Variants in GUCY1A2 observed in about 807,000 individuals in gnomAD.
The protein encoded by GUCY1A2 is guanylate cyclase soluble subunit alpha-2.
In GUCY1A2, 27 loss-of-function variants were observed where a neutral mutation model predicts 63.5. The observed-to-expected ratio is 0.43, with a 90% CI of 0.31 to 0.59. The LOEUF is 0.59. Ranked by LOEUF, GUCY1A2 falls within the 20% of genes least tolerant of loss-of-function variation. The pLI, the probability that GUCY1A2 is intolerant of heterozygous loss-of-function variation, is 0.11. For synonymous variants in GUCY1A2, 364 were observed against 343.5 expected, an observed-to-expected ratio of 1.06 and a Z score of -0.66; for missense variants, 768 against 913.3, an observed-to-expected ratio of 0.84 and a Z score of 2.05.
At chr11:106,705,141 T>C (rs1016236342) in intron 7 of GUCY1A2, among the ~76,000 whole-genome samples, 4 of 152,000 alleles carry the variant, frequency 2.6e-5, no homozygotes, top group African/African-American at 9.7e-5. Context: ...AATTAAAAAA[T>C]AGAAAATATA....
At chr11:106,972,640 T>G (rs558523769) in intron 3 of GUCY1A2, among the ~76,000 whole-genome samples, 2 of 151,958 alleles carry the variant, frequency 1.3e-5, no homozygotes, top group African/African-American at 4.8e-5. Context: ...AAATGGGAAA[T>G]AGTCTGTCAC....
At chr11:106,842,501 A>G (rs927350359) in intron 4 of GUCY1A2, among the ~76,000 whole-genome samples, 7 of 152,036 alleles carry the variant, frequency 4.6e-5, no homozygotes, top group Non-Finnish European at 1.0e-4. Flanking sequence ...TTTCTATAAG[A>G]CTAAAAATGG....
intron 4 of GUCY1A2, among the ~76,000 whole-genome samples, chr11:106,919,356 A>G (rs1860410971): frequency 6.6e-6 from 1 of 152,170 alleles, no homozygotes; most frequent in Admixed American, 6.5e-5. Context: ...GACATTTGCT[A>G]AAAGAGTAGA....
At chr11:106,723,425 C>T (rs932490654) in intron 6 of GUCY1A2, among the ~76,000 whole-genome samples, 2 of 152,192 alleles carry the variant, frequency 1.3e-5, no homozygotes, top group Admixed American at 6.5e-5. Context: ...GTCTCCTTTG[C>T]TTAGTACTGA....
chr11:106,812,292 GTC>G (rs984939974), intron 4 of GUCY1A2, among the ~76,000 whole-genome samples: 13 of 151,150 alleles, frequency 8.6e-5, no homozygotes, highest in South Asian at 2.1e-4. Flanking sequence ...CTTCTATGTA[GTC>G]TCTCTCTCTC....
intron 5 of GUCY1A2, among the ~76,000 whole-genome samples, chr11:106,784,776 A>C (rs1864527977): frequency 6.6e-6 from 1 of 152,214 alleles, no homozygotes; most frequent in Non-Finnish European, 1.5e-5. Context: ...ATATTCTAGC[A>C]ATAATTTTTG....
intron 4 of GUCY1A2, among the ~76,000 whole-genome samples, chr11:106,909,049 A>G (rs1329029110): frequency 6.6e-6 from 1 of 152,026 alleles, no homozygotes; most frequent in African/African-American, 2.4e-5. Context: ...ATAGTGCGGA[A>G]TGAATGAAAG....
At chr11:106,760,670 A>AAATT (rs1342580706) in intron 6 of GUCY1A2, among the ~76,000 whole-genome samples, 7 of 152,208 alleles carry the variant, frequency 4.6e-5, no homozygotes, top group African/African-American at 1.7e-4. Context: ...TATTTTCAAA[A>AAATT]AATTAATATG....
At chr11:106,763,259 G>A (rs1298144670) in intron 6 of GUCY1A2, among the ~76,000 whole-genome samples, 6 of 151,916 alleles carry the variant, frequency 3.9e-5, no homozygotes, top group African/African-American at 7.3e-5. Context: ...TTGGTAAGTC[G>A]TTCTTAGGTA....
intron 6 of GUCY1A2, among the ~76,000 whole-genome samples, chr11:106,744,400 C>T (rs1243608221): frequency 1.3e-5 from 2 of 152,098 alleles, no homozygotes; most frequent in African/African-American, 2.4e-5. Flanking sequence ...GCACCCACCA[C>T]CACACCCGGC....
chr11:107,005,556 G>C (rs999220382), intron 1 of GUCY1A2, among the ~76,000 whole-genome samples: 1 of 152,124 alleles, frequency 6.6e-6, no homozygotes, highest in African/African-American at 2.4e-5. Context: ...TTACAGGCGT[G>C]ATTTTACATT....
intron 7 of GUCY1A2, among the ~76,000 whole-genome samples, chr11:106,701,667 C>G (rs1027224079): frequency 3.3e-5 from 5 of 152,058 alleles, no homozygotes. Flanking sequence ...TTAACAGATA[C>G]AAAATTTCAG....
intron 4 of GUCY1A2, among the ~76,000 whole-genome samples, chr11:106,864,348 A>G (rs900296843): frequency 1.3e-5 from 2 of 152,092 alleles, no homozygotes; most frequent in Non-Finnish European, 1.5e-5. Context: ...TAAATATACA[A>G]TCATGTCATC....
rs938184672 is a variant in GUCY1A2, at chr11:106,680,115, A to C, written c.*7434T>G. ...ATAAAAAACTAACTCTCTTTGCTTC[A>C]TCTCTTCTAAAGCTCCTGCCCACCT... On this transcript the variant is annotated 3_prime_UTR_variant, in exon 8 of 8. Coordinates refer to ENST00000526355, the MANE Select transcript of GUCY1A2 (RefSeq NM_000855.3). The C allele has an allele frequency of 9.3e-6, 2 of 215,210 alleles. No individual in the cohort carries two copies. Among genetic ancestry groups the C allele is most frequent in the Non-Finnish European group, 1.9e-5 (2 of 106,832 alleles). The allele number at this position is 215,210 out of a possible 1,614,324, so 13.3% of individuals were successfully genotyped here.
chr11:106,700,321 C>T (rs898357583), intron 7 of GUCY1A2, among the ~76,000 whole-genome samples: 1 of 151,938 alleles, frequency 6.6e-6, no homozygotes, highest in African/African-American at 2.4e-5. Context: ...TCTAAAATCC[C>T]CCTACCCCCA....
intron 5 of GUCY1A2, among the ~76,000 whole-genome samples, chr11:106,806,400 A>G (rs977476400): frequency 6.6e-6 from 1 of 152,216 alleles, no homozygotes; most frequent in African/African-American, 2.4e-5. Context: ...CCATGGCAGA[A>G]TGGAATCAGA....
In GUCY1A2 at chr11:106,794,933, T is replaced by G. The variant is rs555381546; in HGVS notation, c.1692+15060A>C. On this transcript the variant is annotated intron_variant, in intron 5 of 7. Coordinates refer to ENST00000526355, the MANE Select transcript of GUCY1A2 (RefSeq NM_000855.3). ...ACATTCTCTCTGATCTTGGTCTTCTTTCATATGAATAACTCCAGATGGAGT... is the reference window on the plus strand; with the variant it reads ...ACATTCTCTCTGATCTTGGTCTTCTGTCATATGAATAACTCCAGATGGAGT... Among the ~76,000 whole-genome samples the G allele has an allele frequency of 2.6e-5, 4 of 152,276 alleles. No individual in the cohort carries two copies. The East Asian group carries it at 7.7e-4, about 29-fold the overall frequency.
At chr11:106,837,297 A>G (rs967409057) in intron 4 of GUCY1A2, among the ~76,000 whole-genome samples, 1 of 151,904 alleles carries the variant, frequency 6.6e-6, no homozygotes, top group Non-Finnish European at 1.5e-5. Flanking sequence ...GACCTCTAGC[A>G]CCATCCATGT....
chr11:106,785,821 G>T (rs991842314), intron 5 of GUCY1A2, among the ~76,000 whole-genome samples: 9 of 151,428 alleles, frequency 5.9e-5, no homozygotes, highest in Admixed American at 2.6e-4. Flanking sequence ...AAAGTCTGAA[G>T]ACTTCTGTAT....
Sources: gnomAD v4.1 joint callset for allele counts (sites outside exome capture counted in the v4.1 genomes callset) on GRCh38, gnomAD v4.1.1 for gene constraint, MANE v1.5 for transcripts, NCBI Gene and HGNC (gene_info 2026-07-23, HGNC 2026-07-21) for gene names.